The following DNAH17 variants were observed in gnomAD, a reference collection of about 807,000 sequenced individuals.
DNAH17 encodes the protein dynein axonemal heavy chain 17.
Under a neutral mutation model 485.6 loss-of-function variants are expected in DNAH17, and 376 were observed. That is an observed-to-expected ratio of 0.77 (90% CI 0.71 to 0.84). DNAH17 has a LOEUF of 0.84. Among genes scored for constraint, DNAH17 ranks in the 40% least tolerant of loss-of-function variants. The pLI, the probability that DNAH17 is intolerant of heterozygous loss-of-function variation, is 0.00. For missense variants in DNAH17, 6,370 were observed against 5,839.3 expected, an observed-to-expected ratio of 1.09 and a Z score of -2.96; for synonymous variants, 3,031 against 2,405.9, an observed-to-expected ratio of 1.26 and a Z score of -7.60.
At chr17:78,442,171 G>A (rs140601452) in intron 71 of DNAH17, among the ~76,000 whole-genome samples, 2 of 152,176 alleles carry the variant, frequency 1.3e-5, no homozygotes, top group South Asian at 4.1e-4. Flanking sequence ...AGAACTGCTC[G>A]TCCCTGGGCA....
rs1442378927 is a variant in DNAH17, at chr17:78,526,934, T to C, written c.3570A>G (p.Ala1190=). 6.3e-7 allele frequency: 1 copy of C among 1,588,264 alleles called. No homozygotes were observed. The highest frequency in any genetic ancestry group is 2.3e-5 in the East Asian group (1 of 43,800). Reference sequence around the variant, plus strand: ...TGCTGACCTCGTTGGCCTGGAGTGGTGCCACGGTCAGCTTCACCTGAATGG... The same window carrying C: ...TGCTGACCTCGTTGGCCTGGAGTGGCGCCACGGTCAGCTTCACCTGAATGG... ...KLAIQVKLTV[A]PLQANEVSIL... The change falls in exon 23 of 81, where the codon GCA becomes GCG. Residue 1190 remains alanine (A), a synonymous_variant. Transcript: ENST00000389840.
At chr17:78,464,480 C>G (rs566466462) in intron 56 of DNAH17, among the ~76,000 whole-genome samples, 1 of 152,210 alleles carries the variant, frequency 6.6e-6, no homozygotes, top group African/African-American at 2.4e-5. Context: ...AGGCTGATCT[C>G]GAACTCCTGA....
At chr17:78,455,979 G>A (rs1183172045) in intron 62 of DNAH17, 143 bp from the exon 63 acceptor site, 2 of 701,840 alleles carry the variant, frequency 2.8e-6, no homozygotes, top group East Asian at 3.3e-5. Context: ...AAATGCTTTT[G>A]GGAGGAAATG....
At chr17:78,567,363 G>A (rs1372930536) in intron 9 of DNAH17, among the ~76,000 whole-genome samples, 197 bp from the exon 10 acceptor site, 1 of 152,054 alleles carries the variant, frequency 6.6e-6, no homozygotes, top group African/African-American at 2.4e-5. Flanking sequence ...GCAGAAAGAG[G>A]GGATGGAAGG....
rs1215497191 is a variant in DNAH17 at position 78,460,385 on chromosome 17, CATATATGTGCATGAGTGT to C, written c.9340-146_9340-129del. On this transcript the variant is annotated intron_variant, in intron 58 of 80. Transcript: ENST00000389840. ...ATGCACGTGCATGAGTGTATGTGTG[CATATATGTGCATGAGTGT>C]ATGTGTGTGCATGTATGTGTATGTG... is the stretch of plus-strand genomic sequence containing the variant. 2.1e-4 allele frequency: 159 copies of C among 755,008 alleles called. 1 individual carries two copies. In the East Asian group the frequency reaches 4.2e-3, roughly 20 times the overall value. The allele number at this position is 755,008 out of a possible 1,614,324, so 46.8% of individuals were successfully genotyped here.
intron 56 of DNAH17, among the ~76,000 whole-genome samples, chr17:78,463,517 T>C (rs527996093): frequency 6.6e-6 from 1 of 152,314 alleles, no homozygotes; most frequent in South Asian, 2.1e-4. Flanking sequence ...TGCATTCACA[T>C]ACCTGCATAT....
rs1203437712 is a variant in DNAH17, at chr17:78,424,031, A to G, written c.13264T>C (p.Tyr4422His). ...CGTGTTTTGTACACGGGACACTCAT[A>G]GATGTTCTTGGTCTCCATGCGGTCC... ...PVDRMETKNI[Y>H]ECPVYKTRIR... The change falls in exon 81 of 81, where the codon TAT becomes CAT. Residue 4422 changes from tyrosine to histidine, a missense_variant. Tyr to His is a moderately conservative substitution (Grantham distance 83). Coordinates refer to ENST00000389840, the MANE Select transcript of DNAH17 (RefSeq NM_173628.4). The G allele has an allele frequency of 6.2e-7, 1 of 1,613,932 alleles. No individual in the cohort carries two copies. The highest frequency in any genetic ancestry group is 8.5e-7 in the Non-Finnish European group (1 of 1,179,898).
chr17:78,444,753 G>T lies in DNAH17; in HGVS notation c.11379C>A (p.Ile3793=). 3 of 1,597,774 alleles carry T rather than the reference G, an allele frequency of 1.9e-6. No homozygotes were observed. Among genetic ancestry groups the T allele is most frequent in the Non-Finnish European group, 2.6e-6 (3 of 1,173,638 alleles). ...TTTTCCAGCGCTTGGCAGATCCTTC[G>T]ATGTCACTGTCCAGATTTTTGAACT... ...MDEFKNLDSD[I]EGSAKRWKKL... is the part of the protein sequence containing the mutation. Residue 3793 remains isoleucine (I), a synonymous_variant, in exon 71 of 81, where the codon ATC becomes ATA. Transcript: ENST00000389840.
At chr17:78,496,203 G>T (rs1048407965) in intron 37 of DNAH17, among the ~76,000 whole-genome samples, 171 bp from the exon 38 acceptor site, 2 of 152,002 alleles carry the variant, frequency 1.3e-5, no homozygotes, top group East Asian at 3.8e-4. Context: ...TTGTAGATTT[G>T]CATGCCATGT....
chr17:78,482,619 T>C (rs887554719), intron 48 of DNAH17, among the ~76,000 whole-genome samples: 1 of 152,162 alleles, frequency 6.6e-6, no homozygotes, highest in Non-Finnish European at 1.5e-5. Context: ...TCACAGATGT[T>C]GTCCCTGTTT....
chr17:78,552,059 C>T lies in DNAH17; in HGVS notation c.2288-421G>A, dbSNP rs139770625. Among the ~76,000 whole-genome samples, 68 of 152,158 alleles carry T rather than the reference C, an allele frequency of 4.5e-4. 1 individual carries two copies. Among genetic ancestry groups the T allele is most frequent in the Non-Finnish European group, 9.6e-4 (65 of 68,010 alleles). On this transcript the variant is annotated intron_variant, in intron 15 of 80. Transcript: ENST00000389840. ...ACAGCCCTGGGAAAATACTCCTATTCTGGAACATGATTCCCAGAAGAAATC... is the reference window on the plus strand; with the variant it reads ...ACAGCCCTGGGAAAATACTCCTATTTTGGAACATGATTCCCAGAAGAAATC...
intron 14 of DNAH17, among the ~76,000 whole-genome samples, chr17:78,553,690 A>G (rs2091959812): frequency 6.6e-6 from 1 of 152,222 alleles, no homozygotes; most frequent in Non-Finnish European, 1.5e-5. Context: ...AATGACTTTT[A>G]TCACTGAGGA....
At chr17:78,556,811 A>G (rs1156407024) in intron 14 of DNAH17, among the ~76,000 whole-genome samples, 2 of 152,314 alleles carry the variant, frequency 1.3e-5, no homozygotes, top group East Asian at 3.9e-4. Context: ...ACACATTGCC[A>G]CTCAGCAATA....
At chr17:78,428,799 C>T (rs2086571626) in intron 76 of DNAH17, 92 bp from the exon 77 acceptor site, 9 of 1,451,084 alleles carry the variant, frequency 6.2e-6, no homozygotes, top group Non-Finnish European at 8.6e-6. Flanking sequence ...AGAACGTTCA[C>T]CCACACCTTG....
intron 19 of DNAH17, among the ~76,000 whole-genome samples, 182 bp downstream of exon 19, chr17:78,537,117 G>C (rs973378952): frequency 5.3e-5 from 8 of 151,318 alleles, no homozygotes; most frequent in African/African-American, 1.9e-4. Context: ...GGCGGAGGTT[G>C]CAGTGAGCCA....
intron 55 of DNAH17, among the ~76,000 whole-genome samples, 199 bp from the exon 56 acceptor site, chr17:78,467,015 G>A (rs118186804): frequency 0.019 from 2,942 of 152,276 alleles, 43 homozygotes; most frequent in Non-Finnish European, 0.029. Flanking sequence ...CTGGCTTCAT[G>A]CCTCTCGCTA....
intron 41 of DNAH17, among the ~76,000 whole-genome samples, chr17:78,493,697 A>G (rs922857364): frequency 1.3e-5 from 2 of 151,878 alleles, no homozygotes; most frequent in East Asian, 3.9e-4. Flanking sequence ...ACATGTCACC[A>G]CTCCCTAGGC....
At chr17:78,506,119 C>T (rs1015439834) in intron 30 of DNAH17, among the ~76,000 whole-genome samples, 10 of 149,284 alleles carry the variant, frequency 6.7e-5, no homozygotes, top group Non-Finnish European at 1.2e-4. Context: ...AAAATGCAAG[C>T]GCTTTCCCTT....
rs139664772 is a variant in DNAH17 at position 78,515,857 on chromosome 17, T to G, written c.3865-835A>C. On this transcript the variant is annotated intron_variant, in intron 25 of 80. Coordinates refer to ENST00000389840, the MANE Select transcript of DNAH17 (RefSeq NM_173628.4). ...AGTACACAGAGATGTGTGGGGTTGT[T>G]ACCGCACAGTAACGCAGCTTCCACT... is the stretch of plus-strand genomic sequence containing the variant. Among the ~76,000 whole-genome samples the G allele has an allele frequency of 2.2e-4, 33 of 152,326 alleles. No individual in the cohort carries two copies. In the East Asian group the frequency reaches 6.0e-3, roughly 28 times the overall value.
Sources: allele counts gnomAD v4.1 joint callset (sites outside exome capture counted in the v4.1 genomes callset), GRCh38; gene constraint gnomAD v4.1.1; transcripts MANE v1.5; gene names NCBI Gene and HGNC (gene_info 2026-07-23, HGNC 2026-07-21).